Variants in ST6GALNAC3 observed in about 807,000 individuals in gnomAD.
ST6GALNAC3 encodes the protein ST6 N-acetylgalactosaminide alpha-2,6-sialyltransferase 3.
In ST6GALNAC3, 25 loss-of-function variants were observed where a neutral mutation model predicts 32.7. The ratio of observed to expected loss-of-function variants is 0.76; its 90% CI spans 0.56 to 1.07. The LOEUF is 1.07. Ranked by LOEUF, ST6GALNAC3 falls within the 50% of genes least tolerant of loss-of-function variation. The probability of loss-of-function intolerance (pLI) is 0.00; values close to 1 mark genes in which losing one functional copy is unlikely to be tolerated. For synonymous variants in ST6GALNAC3, 129 were observed against 133.1 expected (o/e 0.97, Z 0.21); for missense variants, 355 against 382.4 (o/e 0.93, Z 0.60).
At chr1:76,114,438 C>T (rs1032562031) in intron 1 of ST6GALNAC3, among the ~76,000 whole-genome samples, 1 of 152,134 alleles carries the variant, frequency 6.6e-6, no homozygotes, top group Non-Finnish European at 1.5e-5. Context: ...GTACATGACA[C>T]CTCAGCAATA....
intron 1 of ST6GALNAC3, among the ~76,000 whole-genome samples, chr1:76,261,172 C>T (rs1194492332): frequency 6.6e-6 from 1 of 152,058 alleles, no homozygotes; most frequent in African/African-American, 2.4e-5. Flanking sequence ...TGAATGTGTT[C>T]TTCCTATCCA....
chr1:76,503,984 A>T (rs1251116496), intron 3 of ST6GALNAC3, among the ~76,000 whole-genome samples: 1 of 152,160 alleles, frequency 6.6e-6, no homozygotes, highest in Admixed American at 6.5e-5. Flanking sequence ...TTATCTCTAT[A>T]TGGCAAGTAC....
At chr1:76,326,448 G>A (rs1323562273) in intron 2 of ST6GALNAC3, among the ~76,000 whole-genome samples, 1 of 152,112 alleles carries the variant, frequency 6.6e-6, no homozygotes, top group East Asian at 1.9e-4. Flanking sequence ...GTGACTATTT[G>A]CCAAAAATAA....
In ST6GALNAC3 at chr1:76,184,519, G is replaced by GCACACACACACACA. The variant is rs71071992; in HGVS notation, c.18+109665_18+109678dup. ...GTGCCACTGCATTCCCTCCTGGGCA[G>GCACACACACACACA]CACACACACACACACACACACACAC... On this transcript the variant is annotated intron_variant, in intron 1 of 4. Coordinates refer to ENST00000328299, the MANE Select transcript of ST6GALNAC3 (RefSeq NM_152996.4). Among the ~76,000 whole-genome samples, 594 of 134,150 alleles carry GCACACACACACACA rather than the reference G, an allele frequency of 4.4e-3. 8 individuals carry two copies. Among genetic ancestry groups the GCACACACACACACA allele is most frequent in the Admixed American group, 0.016 (212 of 13,132 alleles). 88.0% of individuals were successfully genotyped at this position (134,150 alleles called of 152,430 possible). A position where few individuals can be genotyped will look rare whatever the true frequency, so the allele number is the denominator to read the frequency against.
At chr1:76,223,807 A>G (rs765289868) in intron 1 of ST6GALNAC3, among the ~76,000 whole-genome samples, 28 of 151,802 alleles carry the variant, frequency 1.8e-4, no homozygotes, top group Non-Finnish European at 3.2e-4. Flanking sequence ...TAAGAATTTG[A>G]TCCTGCAAAC....
chr1:76,465,497 A>C (rs1311479476), intron 3 of ST6GALNAC3, among the ~76,000 whole-genome samples: 1 of 152,160 alleles, frequency 6.6e-6, no homozygotes, highest in African/African-American at 2.4e-5. Context: ...GCCAGTTATA[A>C]ATTTAATTTA....
chr1:76,361,576 A>T (rs1649938606), intron 2 of ST6GALNAC3, among the ~76,000 whole-genome samples: 1 of 152,166 alleles, frequency 6.6e-6, no homozygotes, highest in Non-Finnish European at 1.5e-5. Context: ...GTTCCATTTT[A>T]AATTTTCTCT....
intron 3 of ST6GALNAC3, among the ~76,000 whole-genome samples, chr1:76,538,675 G>A (rs548040088): frequency 1.3e-5 from 2 of 152,006 alleles, no homozygotes; most frequent in Non-Finnish European, 2.9e-5. Context: ...AGCAGTCTGA[G>A]GATACAGAAT....
At chr1:76,225,119 T>G (rs959750376) in intron 1 of ST6GALNAC3, among the ~76,000 whole-genome samples, 16 of 152,032 alleles carry the variant, frequency 1.1e-4, no homozygotes, top group Admixed American at 9.2e-4. Flanking sequence ...AGTACCCACC[T>G]GCTAATCTAC....
At chr1:76,431,094 T>C (rs140036107) in intron 3 of ST6GALNAC3, among the ~76,000 whole-genome samples, 2 of 152,102 alleles carry the variant, frequency 1.3e-5, no homozygotes, top group African/African-American at 4.8e-5. Flanking sequence ...GGCAGCCCCC[T>C]CCTCTTGCTG....
At chr1:76,141,909 C>T (rs771433759) in intron 1 of ST6GALNAC3, among the ~76,000 whole-genome samples, 6 of 152,260 alleles carry the variant, frequency 3.9e-5, no homozygotes, top group Non-Finnish European at 7.4e-5. Context: ...TCAATATACA[C>T]GTGAAGACAG....
chr1:76,342,605 C>T (rs1391041969), intron 2 of ST6GALNAC3, among the ~76,000 whole-genome samples: 3 of 151,190 alleles, frequency 2.0e-5, no homozygotes, highest in African/African-American at 7.3e-5. Context: ...TGGATATTAG[C>T]CCTTTGTCAG....
intron 3 of ST6GALNAC3, among the ~76,000 whole-genome samples, chr1:76,465,545 T>C (rs1658565387): frequency 6.6e-6 from 1 of 152,170 alleles, no homozygotes; most frequent in South Asian, 2.1e-4. Context: ...TCCAACACTA[T>C]AGCTATTGAT....
intron 1 of ST6GALNAC3, among the ~76,000 whole-genome samples, chr1:76,290,463 T>C (rs1660021512): frequency 6.6e-6 from 1 of 152,214 alleles, no homozygotes; most frequent in South Asian, 2.1e-4. Context: ...TACTTTCTGG[T>C]AAATACTGAT....
intron 2 of ST6GALNAC3, among the ~76,000 whole-genome samples, chr1:76,406,716 A>T (rs1401958249): frequency 6.6e-6 from 1 of 151,978 alleles, no homozygotes; most frequent in Non-Finnish European, 1.5e-5. Flanking sequence ...AGAATAGTGA[A>T]AATCAGTAAT....
In ST6GALNAC3 at chr1:76,632,182, C is replaced by G. The variant is rs961342774; in HGVS notation, c.*3376C>G. On this transcript the variant is annotated 3_prime_UTR_variant, in exon 5 of 5. Coordinates refer to ENST00000328299, the MANE Select transcript of ST6GALNAC3 (RefSeq NM_152996.4). ...CCTATTTTAGACTTCATCTGAAATT[C>G]GTTGGGTTACATTTTGAATCCTGAT... 6.6e-6 allele frequency: 1 copy of G among 151,986 alleles called. No homozygotes were observed. The highest frequency in any genetic ancestry group is 1.5e-5 in the Non-Finnish European group (1 of 67,974). The allele number at this position is 151,986 out of a possible 1,614,324, so 9.4% of individuals were successfully genotyped here.
chr1:76,416,631 T>TG (rs201708496), intron 3 of ST6GALNAC3, among the ~76,000 whole-genome samples: 3,535 of 144,796 alleles, frequency 0.024, 54 homozygotes, highest in African/African-American at 0.04. Flanking sequence ...GGTTTTGTTT[T>TG]TTTTTTTTTT....
rs1661090845 is a variant in ST6GALNAC3 at position 76,306,820 on chromosome 1, T to C, written c.19-6985T>C. On this transcript the variant is annotated intron_variant, in intron 1 of 4. Coordinates refer to ENST00000328299, the MANE Select transcript of ST6GALNAC3 (RefSeq NM_152996.4). ...ATAATAAAAAAACTCATTGAGTTTT[T>C]AACATGCCTGTACATTTTCTCATTT... Among the ~76,000 whole-genome samples the C allele has an allele frequency of 2.0e-5, 3 of 152,084 alleles. No homozygotes were observed. In the South Asian group the frequency reaches 6.2e-4, roughly 32 times the overall value.
At chr1:76,319,076 T>C (rs1646920072) in intron 2 of ST6GALNAC3, among the ~76,000 whole-genome samples, 1 of 152,176 alleles carries the variant, frequency 6.6e-6, no homozygotes, top group African/African-American at 2.4e-5. Flanking sequence ...AGGATCCAGC[T>C]TGGGTGATCA....
Sources: allele counts gnomAD v4.1 joint callset (sites outside exome capture counted in the v4.1 genomes callset), GRCh38; gene constraint gnomAD v4.1.1; transcripts MANE v1.5; gene names NCBI Gene and HGNC (gene_info 2026-07-23, HGNC 2026-07-21).